Variants in IQGAP2 observed in about 807,000 individuals in gnomAD.
IQGAP2 encodes the protein IQ motif containing GTPase activating protein 2.
IQGAP2 carries 173 observed loss-of-function variants against 201.3 expected under a neutral mutation model. That is an observed-to-expected ratio of 0.86 (90% CI 0.76 to 0.98). IQGAP2 has a LOEUF of 0.98. Ranked by LOEUF, IQGAP2 falls within the 50% of genes least tolerant of loss-of-function variation. The pLI, the probability that IQGAP2 is intolerant of heterozygous loss-of-function variation, is 0.00. For synonymous variants in IQGAP2, 675 were observed against 673.9 expected, an observed-to-expected ratio of 1.00 and a Z score of -0.03; for missense variants, 1,687 against 1,864.8, an observed-to-expected ratio of 0.90 and a Z score of 1.76.
At chr5:76,429,414 T>C (rs1377020115) in intron 1 of IQGAP2, among the ~76,000 whole-genome samples, 1 of 150,680 alleles carries the variant, frequency 6.6e-6, no homozygotes, top group African/African-American at 2.4e-5. Flanking sequence ...CTACTAAAAA[T>C]ACAAAAAATT....
At chr5:76,458,521 A>C (rs1754230052) in intron 1 of IQGAP2, among the ~76,000 whole-genome samples, 1 of 152,150 alleles carries the variant, frequency 6.6e-6, no homozygotes, top group Non-Finnish European at 1.5e-5. Context: ...CTAGACTTAC[A>C]ATTTGACAGT....
chr5:76,496,872 C>G (rs1051234056), intron 2 of IQGAP2, among the ~76,000 whole-genome samples: 1 of 150,994 alleles, frequency 6.6e-6, no homozygotes, highest in African/African-American at 2.4e-5. Context: ...CTCTGTTGCC[C>G]AGGCTGCAGT....
chr5:76,412,102 TAGC>T (rs1751157772), intron 1 of IQGAP2, among the ~76,000 whole-genome samples: 1 of 152,222 alleles, frequency 6.6e-6, no homozygotes, highest in Admixed American at 6.5e-5. Flanking sequence ...TTGAATATGT[TAGC>T]AGAGATATTA....
chr5:76,609,327 A>G, intron 12 of IQGAP2: 1 of 1,158,972 alleles, frequency 8.6e-7, no homozygotes. Context: ...AAACGACAGT[A>G]CCTTGTATAT....
intron 6 of IQGAP2, 71 bp from the exon 7 acceptor site, chr5:76,589,543 TA>T: frequency 1.3e-6 from 1 of 771,028 alleles, no homozygotes; most frequent in South Asian, 2.0e-5. Flanking sequence ...GATATGATTG[TA>T]CTCATTCCTG....
chr5:76,458,251 G>A (rs1754218168), intron 1 of IQGAP2, among the ~76,000 whole-genome samples: 1 of 152,128 alleles, frequency 6.6e-6, no homozygotes, highest in Non-Finnish European at 1.5e-5. Context: ...CTATCTCTGA[G>A]GGTGATCATG....
chr5:76,677,914 G>A (rs748536813), intron 28 of IQGAP2, among the ~76,000 whole-genome samples: 38 of 152,104 alleles, frequency 2.5e-4, no homozygotes, highest in Non-Finnish European at 4.9e-4. Context: ...CGGGGCAACA[G>A]AGCGAGACCC....
intron 5 of IQGAP2, 24 bp from the exon 6 acceptor site, chr5:76,588,882 T>A (rs761277064): frequency 1.2e-5 from 17 of 1,458,196 alleles, no homozygotes; most frequent in Non-Finnish European, 1.5e-5. Context: ...AAATTTCTGA[T>A]AATTTTGTGT....
chr5:76,580,032 T>C (rs1745731755), intron 5 of IQGAP2, among the ~76,000 whole-genome samples: 1 of 152,190 alleles, frequency 6.6e-6, no homozygotes, highest in South Asian at 2.1e-4. Context: ...TCCCAGCACT[T>C]TGGGAGGCTG....
intron 3 of IQGAP2, among the ~76,000 whole-genome samples, chr5:76,565,776 T>G (rs1580470988): frequency 6.6e-6 from 1 of 152,198 alleles, no homozygotes; most frequent in African/African-American, 2.4e-5. Context: ...GTGCTTTATT[T>G]GGTACATACT....
intron 2 of IQGAP2, among the ~76,000 whole-genome samples, chr5:76,508,318 T>TA (rs200961343): frequency 0.011 from 1,625 of 151,912 alleles, 20 homozygotes; most frequent in African/African-American, 0.037. Flanking sequence ...GACTCCCATC[T>TA]AAAAAAATAA....
chr5:76,657,678 T>C (rs1742875607), intron 20 of IQGAP2, among the ~76,000 whole-genome samples: 1 of 152,230 alleles, frequency 6.6e-6, no homozygotes, highest in Non-Finnish European at 1.5e-5. Context: ...TTTACCCAGA[T>C]CTGATCTCCC....
chr5:76,453,003 C>G (rs71630923), intron 1 of IQGAP2, among the ~76,000 whole-genome samples: 35,108 of 151,012 alleles, frequency 0.23, 4,448 homozygotes, highest in Middle Eastern at 0.33. Context: ...CTCCGCCTCC[C>G]AGGTCCCAGT....
intron 13 of IQGAP2, among the ~76,000 whole-genome samples, chr5:76,621,553 A>G (rs1749674343): frequency 6.6e-6 from 1 of 152,196 alleles, no homozygotes; most frequent in African/African-American, 2.4e-5. Flanking sequence ...CGTACAAGTT[A>G]TTAGCCTGAT....
Position 76,644,779 on chromosome 5 carries a change from C to G in IQGAP2, c.2094+3676C>G, listed in dbSNP as rs113098255. Among the ~76,000 whole-genome samples the G allele has an allele frequency of 3.9e-5, 6 of 152,054 alleles. 1 individual carries two copies. The highest frequency in any genetic ancestry group is 1.4e-4 in the African/African-American group (6 of 41,466). ...TCTCAAAGGAACTAAAACTTACAGA[C>G]TAAAAAAAGAAAAACAGAATTTTGG... On this transcript the variant is annotated intron_variant, in intron 17 of 35. Coordinates refer to ENST00000274364, the MANE Select transcript of IQGAP2 (RefSeq NM_006633.5).
chr5:76,621,348 A>G (rs1749652437), intron 13 of IQGAP2, among the ~76,000 whole-genome samples: 1 of 152,178 alleles, frequency 6.6e-6, no homozygotes, highest in African/African-American at 2.4e-5. Context: ...GATTAAAGAA[A>G]AGGAAAGAAA....
intron 2 of IQGAP2, among the ~76,000 whole-genome samples, chr5:76,536,018 A>C (rs1272327212): frequency 6.7e-6 from 1 of 149,416 alleles, no homozygotes; most frequent in Non-Finnish European, 1.5e-5. Flanking sequence ...AGAACTATTT[A>C]TTTCTCCTAG....
At position 76,490,835 on chromosome 5, in the gene IQGAP2, A is replaced by G. The variant is rs78444889; in HGVS notation, c.146+29166A>G. On this transcript the variant is annotated intron_variant, in intron 2 of 35. Coordinates refer to ENST00000274364, the MANE Select transcript of IQGAP2 (RefSeq NM_006633.5). ...GTGTGGCAGAATGTATTTAAGCTGA[A>G]CAGATTAAGGCTGTAGGACCAAAGG... Among the ~76,000 whole-genome samples, 1,094 of 152,302 alleles carry G rather than the reference A, an allele frequency of 7.2e-3. 9 individuals carry two copies. The highest frequency in any genetic ancestry group is 0.02 in the Middle Eastern group (6 of 294).
chr5:76,478,251 A>ATT (rs1755566370), intron 2 of IQGAP2, among the ~76,000 whole-genome samples: 1 of 152,166 alleles, frequency 6.6e-6, no homozygotes, highest in Admixed American at 6.5e-5. Context: ...AAATACAAAA[A>ATT]TTAGCCAGGC....
Sources: allele counts gnomAD v4.1 joint callset (sites outside exome capture counted in the v4.1 genomes callset), GRCh38; gene constraint gnomAD v4.1.1; transcripts MANE v1.5; gene names NCBI Gene and HGNC (gene_info 2026-07-23, HGNC 2026-07-21).